Variants in PDGFC observed in about 807,000 individuals in gnomAD.
PDGFC encodes the protein platelet-derived growth factor C.
PDGFC carries 12 observed loss-of-function variants against 35.5 expected under a neutral mutation model. The observed-to-expected ratio is 0.34, with a 90% CI of 0.22 to 0.55. The LOEUF (loss-of-function observed/expected upper bound fraction) is 0.55. PDGFC is among the 20% of genes least tolerant of loss of function. PDGFC has a pLI of 0.91. For missense variants in PDGFC, 322 were observed against 412.4 expected (o/e 0.78, Z 1.90); for synonymous variants, 159 against 148.8 (o/e 1.07, Z -0.50).
intron 2 of PDGFC, among the ~76,000 whole-genome samples, chr4:156,847,579 A>C (rs540653659): frequency 1.3e-5 from 2 of 151,926 alleles, no homozygotes; most frequent in African/African-American, 2.4e-5. Context: ...AACTGGAAAA[A>C]CTGCTGACAT....
chr4:156,893,846 C>CAA (rs1448891043), intron 1 of PDGFC, among the ~76,000 whole-genome samples: 3 of 152,092 alleles, frequency 2.0e-5, no homozygotes, highest in African/African-American at 7.2e-5. Flanking sequence ...ACATATTATA[C>CAA]ATAAACACAC....
intron 1 of PDGFC, among the ~76,000 whole-genome samples, chr4:156,955,403 A>G (rs1211716855): frequency 6.6e-6 from 1 of 152,060 alleles, no homozygotes; most frequent in African/African-American, 2.4e-5. Flanking sequence ...CCACGAAAAA[A>G]AAAGATAACT....
intron 1 of PDGFC, among the ~76,000 whole-genome samples, chr4:156,860,705 T>C (rs2111112515): frequency 6.6e-6 from 1 of 152,050 alleles, no homozygotes; most frequent in Non-Finnish European, 1.5e-5. Context: ...AAGATATGCA[T>C]AATGCATAAT....
chr4:156,794,128 C>T (rs890564999), intron 3 of PDGFC, among the ~76,000 whole-genome samples: 4 of 152,094 alleles, frequency 2.6e-5, no homozygotes. Flanking sequence ...GAAAATAAAC[C>T]TGAGATAACT....
At chr4:156,934,890 A>G (rs1410741908) in intron 1 of PDGFC, among the ~76,000 whole-genome samples, 4 of 152,196 alleles carry the variant, frequency 2.6e-5, no homozygotes, top group Non-Finnish European at 5.9e-5. Context: ...TTTCAGGGGC[A>G]ATAATAGGCA....
intron 1 of PDGFC, among the ~76,000 whole-genome samples, chr4:156,879,118 A>G (rs1730183799): frequency 6.6e-6 from 1 of 152,148 alleles, no homozygotes; most frequent in Non-Finnish European, 1.5e-5. Flanking sequence ...CTCAAAAATG[A>G]GCTGCTTCTT....
chr4:156,941,516 T>A (rs1462948668), intron 1 of PDGFC, among the ~76,000 whole-genome samples: 2 of 152,200 alleles, frequency 1.3e-5, no homozygotes, highest in Non-Finnish European at 2.9e-5. Flanking sequence ...TATCATTAGC[T>A]TTATCATTTT....
chr4:156,874,514 G>A (rs1446578170), intron 1 of PDGFC, among the ~76,000 whole-genome samples: 1 of 152,024 alleles, frequency 6.6e-6, no homozygotes, highest in Admixed American at 6.6e-5. Flanking sequence ...GTCCTTATAT[G>A]CTTTGCCAAG....
At chr4:156,961,948 G>A (rs1732353694) in intron 1 of PDGFC, among the ~76,000 whole-genome samples, 1 of 152,066 alleles carries the variant, frequency 6.6e-6, no homozygotes, top group African/African-American at 2.4e-5. Flanking sequence ...CTTCTAACCT[G>A]TTCACAACTT....
At chr4:156,794,525 G>C (rs979830428) in intron 3 of PDGFC, among the ~76,000 whole-genome samples, 1 of 151,944 alleles carries the variant, frequency 6.6e-6, no homozygotes, top group Non-Finnish European at 1.5e-5. Flanking sequence ...GAAAAAAGAA[G>C]GGAGGGAGGA....
chr4:156,849,396 A>G (rs748025060), intron 2 of PDGFC, among the ~76,000 whole-genome samples: 2 of 152,156 alleles, frequency 1.3e-5, no homozygotes, highest in Non-Finnish European at 2.9e-5. Context: ...TTTATCTGTA[A>G]TATACCATGA....
At chr4:156,787,823 T>C (rs1007813393) in intron 3 of PDGFC, among the ~76,000 whole-genome samples, 6 of 152,056 alleles carry the variant, frequency 3.9e-5, no homozygotes, top group Admixed American at 1.3e-4. Flanking sequence ...GTGAGGAAAG[T>C]GTTCAGAAGT....
chr4:156,774,409 G>A (rs986243892), intron 3 of PDGFC: 3 of 152,168 alleles, frequency 2.0e-5, no homozygotes, highest in Non-Finnish European at 4.4e-5. Flanking sequence ...ATTCATCCAT[G>A]AAACCTGGCA....
At chr4:156,926,616 C>T (rs1731420490) in intron 1 of PDGFC, among the ~76,000 whole-genome samples, 1 of 152,208 alleles carries the variant, frequency 6.6e-6, no homozygotes, top group South Asian at 2.1e-4. Context: ...TTTTAAAGCT[C>T]CAAAATGATC....
chr4:156,959,307 C>T (rs1732283923), intron 1 of PDGFC, among the ~76,000 whole-genome samples: 1 of 151,892 alleles, frequency 6.6e-6, no homozygotes, highest in Non-Finnish European at 1.5e-5. Flanking sequence ...CAAGGTAGAA[C>T]ATGGTCACCA....
intron 1 of PDGFC, chr4:156,861,485 C>T: frequency 8.1e-7 from 1 of 1,238,298 alleles, no homozygotes; most frequent in South Asian, 1.3e-5. Context: ...GGATATAGTT[C>T]CTACCTGCCA....
chr4:156,829,329 A>T (rs1728868840), intron 2 of PDGFC, among the ~76,000 whole-genome samples: 1 of 152,298 alleles, frequency 6.6e-6, no homozygotes, highest in African/African-American at 2.4e-5. Context: ...GGGAAGCAGC[A>T]TTTCAGATTG....
rs961106429 is a variant in PDGFC, at chr4:156,900,789, C to T, written c.119-50373G>A. On this transcript the variant is annotated intron_variant, in intron 1 of 5. Transcript: ENST00000502773. ...GGTTGAGGTTGCAGTGAGCAGAGAT[C>T]CTGCCACTGCACTCCAGCCTGAGTG... Among the ~76,000 whole-genome samples the T allele has an allele frequency of 1.7e-4, 26 of 151,944 alleles. No individual in the cohort carries two copies. The East Asian group carries it at 5.1e-3, about 30-fold the overall frequency.
At chr4:156,791,965 GAA>G (rs1254249786) in intron 3 of PDGFC, among the ~76,000 whole-genome samples, 1 of 152,144 alleles carries the variant, frequency 6.6e-6, no homozygotes, top group East Asian at 1.9e-4. Flanking sequence ...GGAAAGCCTG[GAA>G]ACTTTGATAT....
Sources: allele counts gnomAD v4.1 joint callset (sites outside exome capture counted in the v4.1 genomes callset), GRCh38; gene constraint gnomAD v4.1.1; transcripts MANE v1.5; gene names NCBI Gene and HGNC (gene_info 2026-07-23, HGNC 2026-07-21).